CYYR1: variants seen among roughly 807,000 people sequenced by gnomAD.
CYYR1 encodes cysteine and tyrosine-rich protein 1.
A neutral mutation model predicts 15.2 loss-of-function variants in CYYR1; 14 were observed. That is an observed-to-expected ratio of 0.92 (90% confidence interval 0.61 to 1.44). The LOEUF (loss-of-function observed/expected upper bound fraction) is 1.44, where lower values mean the gene tolerates loss of function less well. CYYR1 is among the 40% of genes most tolerant of loss of function. The probability of loss-of-function intolerance (pLI) is 0.00; values close to 1 mark genes in which losing one functional copy is unlikely to be tolerated. For synonymous variants in CYYR1, 80 were observed against 77.4 expected (o/e 1.03, Z -0.18); for missense variants, 228 against 209.5 (o/e 1.09, Z -0.54).
chr21:26,470,251 C>T (rs954232917), intron 3 of CYYR1, among the ~76,000 whole-genome samples: 1 of 152,086 alleles, frequency 6.6e-6, no homozygotes, highest in South Asian at 2.1e-4. Flanking sequence ...CTTTTGCAAA[C>T]GAACCTTAAT....
chr21:26,522,642 A>G (rs1020247461), intron 2 of CYYR1, among the ~76,000 whole-genome samples: 3 of 152,202 alleles, frequency 2.0e-5, no homozygotes, highest in African/African-American at 4.8e-5. Flanking sequence ...CACTCACTCT[A>G]CACTGGAGGA....
intron 2 of CYYR1, among the ~76,000 whole-genome samples, chr21:26,481,413 A>G (rs921928054): frequency 3.3e-5 from 5 of 152,128 alleles, no homozygotes; most frequent in African/African-American, 2.4e-5. Flanking sequence ...AAAAAGGGTC[A>G]AGAGATCCAC....
intron 2 of CYYR1, among the ~76,000 whole-genome samples, chr21:26,508,423 G>A (rs930885157): frequency 3.3e-5 from 5 of 152,122 alleles, no homozygotes; most frequent in Non-Finnish European, 5.9e-5. Context: ...GTTGGATTGT[G>A]GGAAAGCTGA....
intron 2 of CYYR1, among the ~76,000 whole-genome samples, chr21:26,499,583 A>C (rs2065452696): frequency 6.6e-6 from 1 of 152,152 alleles, no homozygotes; most frequent in Non-Finnish European, 1.5e-5. Context: ...AAAGGAGAAA[A>C]CCTGGTGCAT....
intron 2 of CYYR1, among the ~76,000 whole-genome samples, chr21:26,547,917 G>C (rs1979096513): frequency 2.1e-5 from 1 of 48,258 alleles, no homozygotes; most frequent in Non-Finnish European, 3.9e-5. Context: ...TTAGAGAATA[G>C]AAAGTAGCTA....
intron 2 of CYYR1, chr21:26,564,862 A>G: frequency 8.7e-7 from 1 of 1,152,420 alleles, no homozygotes; most frequent in South Asian, 1.8e-5. Flanking sequence ...AAAAAAATTT[A>G]AATTTATTAA....
rs114050644 is a variant in CYYR1, at chr21:26,479,868, T to G, written c.334+404A>C. On this transcript the variant is annotated intron_variant, in intron 3 of 3. Transcript: ENST00000652641. ...GTTCTCTCGACCTAATGAAGATATA[T>G]GAAAATTTTCTTGAATGCTTTTTCT... Among the ~76,000 whole-genome samples, 656 of 152,262 alleles carry G rather than the reference T, an allele frequency of 4.3e-3. 2 individuals are homozygous for G. Among genetic ancestry groups the G allele is most frequent in the African/African-American group, 0.015 (617 of 41,554 alleles).
At chr21:26,558,075 C>T (rs1979923808) in intron 2 of CYYR1, among the ~76,000 whole-genome samples, 1 of 152,204 alleles carries the variant, frequency 6.6e-6, no homozygotes, top group Non-Finnish European at 1.5e-5. Context: ...CCAACCTTTG[C>T]TTTCCAGGTG....
chr21:26,545,133 TTAC>T (rs1052340281), intron 2 of CYYR1, among the ~76,000 whole-genome samples: 7 of 152,114 alleles, frequency 4.6e-5, no homozygotes, highest in African/African-American at 1.7e-4. Flanking sequence ...GACAAACATA[TTAC>T]TTTTTTATTG....
intron 2 of CYYR1, among the ~76,000 whole-genome samples, chr21:26,488,364 C>T (rs2065281236): frequency 6.6e-6 from 1 of 151,906 alleles, no homozygotes. Context: ...AAGTGATTCT[C>T]CCACCTCAGC....
At chr21:26,495,775 T>C (rs917353768) in intron 2 of CYYR1, among the ~76,000 whole-genome samples, 1 of 152,188 alleles carries the variant, frequency 6.6e-6, no homozygotes, top group African/African-American at 2.4e-5. Context: ...AGCAGCATAA[T>C]CAACTTCACG....
At chr21:26,528,571 G>A (rs761599623) in intron 2 of CYYR1, among the ~76,000 whole-genome samples, 9 of 152,196 alleles carry the variant, frequency 5.9e-5, no homozygotes, top group Non-Finnish European at 1.3e-4. Flanking sequence ...CCGGGTGCCA[G>A]TGCTATGCTT....
At chr21:26,542,407 A>C (rs144265253) in intron 2 of CYYR1, among the ~76,000 whole-genome samples, 46 of 152,246 alleles carry the variant, frequency 3.0e-4, no homozygotes, top group Non-Finnish European at 5.7e-4. Flanking sequence ...CAAGAGACCT[A>C]AACATGCGAT....
intron 3 of CYYR1, chr21:26,477,696 C>T: frequency 1.1e-6 from 1 of 951,120 alleles, no homozygotes; most frequent in Non-Finnish European, 1.3e-6. Flanking sequence ...TTTGATCAAG[C>T]TAATGAGTAT....
chr21:26,549,177 A>T (rs1003564149), intron 2 of CYYR1, among the ~76,000 whole-genome samples: 2 of 152,218 alleles, frequency 1.3e-5, no homozygotes, highest in African/African-American at 2.4e-5. Context: ...CTTAGGATAC[A>T]TCGTTCCAGG....
At chr21:26,472,599 A>AT (rs1018233361) in intron 3 of CYYR1, among the ~76,000 whole-genome samples, 1 of 151,976 alleles carries the variant, frequency 6.6e-6, no homozygotes. Context: ...TATTGAGTGA[A>AT]TTTTTTGTTG....
intron 2 of CYYR1, among the ~76,000 whole-genome samples, chr21:26,519,600 A>G (rs1358476559): frequency 6.6e-6 from 1 of 152,190 alleles, no homozygotes; most frequent in African/African-American, 2.4e-5. Flanking sequence ...TGAAAAAGGG[A>G]AAGTACTGAA....
At position 26,480,355 on chromosome 21, in the gene CYYR1, A is replaced by T; in HGVS notation, c.251T>A (p.Ile84Asn). ...CCTGTGGTTCTTCATGCACATGCAGATGCATATGGCAATCCCAGCAATGAC... is the reference window on the plus strand; with the variant it reads ...CCTGTGGTTCTTCATGCACATGCAGTTGCATATGGCAATCCCAGCAATGAC... ...MGVIAGIAIC[I>N]CMCMKNHRAT... Residue 84 changes from isoleucine (I) to asparagine (N), a missense_variant, in exon 3 of 4, where the codon ATC becomes AAC. Coordinates refer to ENST00000652641, the MANE Select transcript of CYYR1 (RefSeq NM_001320768.2). 1 of 1,613,658 alleles carries T rather than the reference A, an allele frequency of 6.2e-7. No individual in the cohort carries two copies. The highest frequency in any genetic ancestry group is 8.5e-7 in the Non-Finnish European group (1 of 1,179,712).
chr21:26,508,285 C>G (rs899232632), intron 2 of CYYR1, among the ~76,000 whole-genome samples: 1 of 152,048 alleles, frequency 6.6e-6, no homozygotes, highest in African/African-American at 2.4e-5. Flanking sequence ...CATGAGGGGT[C>G]TTTAGGCCCA....
Sources: gnomAD v4.1 joint callset for allele counts (sites outside exome capture counted in the v4.1 genomes callset) on GRCh38, gnomAD v4.1.1 for gene constraint, MANE v1.5 for transcripts, NCBI Gene and HGNC (gene_info 2026-07-23, HGNC 2026-07-21) for gene names.